TSHR: variants seen among roughly 807,000 people sequenced by gnomAD.
The protein encoded by TSHR is thyrotropin receptor.
TSHR carries 51 observed loss-of-function variants against 64.1 expected under a neutral mutation model. The ratio of observed to expected loss-of-function variants is 0.80; its 90% confidence interval spans 0.64 to 1.01. The LOEUF (loss-of-function observed/expected upper bound fraction) is 1.01, where lower values mean the gene tolerates loss of function less well. TSHR is among the 50% of genes least tolerant of loss of function. TSHR has a pLI of 0.00. For synonymous variants in TSHR, 361 were observed against 361.9 expected (o/e 1.00, Z 0.03); for missense variants, 877 against 942.8 (o/e 0.93, Z 0.91).
At chr14:80,976,601 G>A (rs1231514153) in intron 1 of TSHR, among the ~76,000 whole-genome samples, 6 of 152,142 alleles carry the variant, frequency 3.9e-5, no homozygotes, top group Non-Finnish European at 5.9e-5. Flanking sequence ...ATGTCCAACT[G>A]GATCATCTGA....
intron 1 of TSHR, chr14:81,050,148 C>G (rs1885357605): frequency 6.6e-6 from 1 of 152,056 alleles, no homozygotes; most frequent in African/African-American, 2.4e-5. Context: ...GAATAACACC[C>G]TACAATACGA....
intron 1 of TSHR, among the ~76,000 whole-genome samples, chr14:80,958,644 C>T (rs1459914343): frequency 2.0e-5 from 3 of 151,916 alleles, no homozygotes; most frequent in Non-Finnish European, 4.4e-5. Context: ...TCTTTCTTGA[C>T]AAGAAAATCT....
At chr14:81,045,536 T>A (rs927458095) in intron 1 of TSHR, among the ~76,000 whole-genome samples, 1 of 152,162 alleles carries the variant, frequency 6.6e-6, no homozygotes, top group African/African-American at 2.4e-5. Context: ...TTCTTCCTCA[T>A]GCTCTCCCTC....
At chr14:81,017,753 C>T (rs1199665195) in intron 1 of TSHR, among the ~76,000 whole-genome samples, 1 of 151,992 alleles carries the variant, frequency 6.6e-6, no homozygotes, top group Non-Finnish European at 1.5e-5. Flanking sequence ...ATAGCCATGA[C>T]TCAGGCCTCC....
chr14:81,021,946 G>A (rs2139801867), intron 1 of TSHR, among the ~76,000 whole-genome samples: 1 of 152,214 alleles, frequency 6.6e-6, no homozygotes, highest in African/African-American at 2.4e-5. Flanking sequence ...TCCAATGCAT[G>A]GACTTGAAAG....
chr14:81,111,135 C>T (rs1212127663), intron 8 of TSHR, among the ~76,000 whole-genome samples: 1 of 152,112 alleles, frequency 6.6e-6, no homozygotes, highest in African/African-American at 2.4e-5. Context: ...AATTTGAAGA[C>T]CAATAGTGTA....
At chr14:80,993,599 T>C (rs1888856227) in intron 1 of TSHR, 1 of 152,118 alleles carries the variant, frequency 6.6e-6, no homozygotes, top group Admixed American at 6.6e-5. Context: ...AAATACATGT[T>C]TATAAAACAA....
At chr14:81,073,793 A>T (rs1192870453) in intron 3 of TSHR, among the ~76,000 whole-genome samples, 1 of 152,104 alleles carries the variant, frequency 6.6e-6, no homozygotes, top group African/African-American at 2.4e-5. Flanking sequence ...GTACATTAAA[A>T]CCAAAGAAAG....
chr14:81,012,995 T>C (rs1890004509), intron 1 of TSHR: 1 of 152,226 alleles, frequency 6.6e-6, no homozygotes, highest in South Asian at 2.1e-4. Flanking sequence ...CTTTTGGTGT[T>C]TTAGACATGA....
intron 1 of TSHR, among the ~76,000 whole-genome samples, chr14:80,965,458 C>T (rs987434193): frequency 6.6e-6 from 1 of 152,170 alleles, no homozygotes. Flanking sequence ...TTGATAGGCT[C>T]TTCACACAGA....
chr14:81,069,699 A>G (rs1886922743), intron 3 of TSHR, among the ~76,000 whole-genome samples: 2 of 152,174 alleles, frequency 1.3e-5, no homozygotes, highest in Admixed American at 1.3e-4. Context: ...ATCACTAAAG[A>G]GCTTCATCCT....
chr14:81,073,494 T>C (rs1887269398), intron 3 of TSHR, among the ~76,000 whole-genome samples: 1 of 152,078 alleles, frequency 6.6e-6, no homozygotes, highest in Non-Finnish European at 1.5e-5. Context: ...CAAGTCTCAA[T>C]AGATTACCAA....
chr14:81,016,797 A>T (rs1054776991), intron 1 of TSHR, among the ~76,000 whole-genome samples: 3 of 151,960 alleles, frequency 2.0e-5, no homozygotes, highest in Non-Finnish European at 4.4e-5. Flanking sequence ...ATCCATTTTG[A>T]GTTGATTTTT....
intron 8 of TSHR, among the ~76,000 whole-genome samples, chr14:81,136,910 G>C (rs552420701): frequency 6.6e-6 from 1 of 152,190 alleles, no homozygotes; most frequent in Non-Finnish European, 1.5e-5. Context: ...ACCTGGATCT[G>C]TGTTCAAAGA....
chr14:81,117,822 C>A, intron 8 of TSHR, among the ~76,000 whole-genome samples: 1 of 43,198 alleles, frequency 2.3e-5, no homozygotes, highest in South Asian at 9.0e-4. Context: ...AAAAGCTTAT[C>A]CACCATGATC....
At chr14:81,023,731 G>A (rs915048311) in intron 1 of TSHR, among the ~76,000 whole-genome samples, 1 of 152,172 alleles carries the variant, frequency 6.6e-6, no homozygotes, top group Admixed American at 6.5e-5. Context: ...GGCAGGTGGT[G>A]TTTAACTTTT....
At chr14:81,113,779 G>C (rs1231759382) in intron 8 of TSHR, among the ~76,000 whole-genome samples, 1 of 152,092 alleles carries the variant, frequency 6.6e-6, no homozygotes, top group African/African-American at 2.4e-5. Flanking sequence ...ACAAAATCTA[G>C]GAAATATTTT....
In TSHR at chr14:81,113,077, G is replaced by A. The variant is rs147198068; in HGVS notation, c.692+4625G>A. Among the ~76,000 whole-genome samples, 309 of 152,254 alleles carry A rather than the reference G, an allele frequency of 2.0e-3. 1 individual carries two copies. Among genetic ancestry groups the A allele is most frequent in the African/African-American group, 6.9e-3 (285 of 41,544 alleles). On this transcript the variant is annotated intron_variant, in intron 8 of 9. Coordinates refer to ENST00000298171, the MANE Select transcript of TSHR (RefSeq NM_000369.5). Reference sequence around the variant, plus strand: ...ACTCAAAGTTTCACAGGAACATGCCGGCTGTTGTGTTGAAAATAAACTGTA... The same window carrying A: ...ACTCAAAGTTTCACAGGAACATGCCAGCTGTTGTGTTGAAAATAAACTGTA...
intron 1 of TSHR, among the ~76,000 whole-genome samples, chr14:81,034,372 G>T (rs546028446): frequency 6.6e-6 from 1 of 152,312 alleles, no homozygotes; most frequent in Admixed American, 6.5e-5. Context: ...ATGCTCTGTA[G>T]TCCCATCTAC....
Sources: gnomAD v4.1 joint callset for allele counts (sites outside exome capture counted in the v4.1 genomes callset) on GRCh38, gnomAD v4.1.1 for gene constraint, MANE v1.5 for transcripts, NCBI Gene and HGNC (gene_info 2026-07-23, HGNC 2026-07-21) for gene names.